Variants in CTNNA1 observed in about 807,000 individuals in gnomAD.
CTNNA1 encodes catenin alpha-1.
A neutral mutation model predicts 98.4 loss-of-function variants in CTNNA1; 37 were observed. The ratio of observed to expected loss-of-function variants is 0.38; its 90% CI spans 0.29 to 0.49. CTNNA1 has a LOEUF of 0.49. CTNNA1 is among the 20% of genes least tolerant of loss of function. CTNNA1 has a pLI of 0.95. For missense variants in CTNNA1, 761 were observed against 1,147.2 expected (o/e 0.66, Z 4.86); for synonymous variants, 404 against 413.2 (o/e 0.98, Z 0.27).
At chr5:138,814,374 G>C (rs929787797) in intron 5 of CTNNA1, among the ~76,000 whole-genome samples, 1 of 151,644 alleles carries the variant, frequency 6.6e-6, no homozygotes, top group Admixed American at 6.6e-5. Flanking sequence ...TCAGCCTCCC[G>C]TCAGTGTGCT....
At chr5:138,770,095 A>G (rs1044960250) in intron 1 of CTNNA1, among the ~76,000 whole-genome samples, 3 of 152,178 alleles carry the variant, frequency 2.0e-5, no homozygotes, top group Non-Finnish European at 4.4e-5. Context: ...TTGGCTTCCC[A>G]AAGTGCTGGG....
chr5:138,884,267 A>G (rs1302627369), intron 7 of CTNNA1, among the ~76,000 whole-genome samples: 2 of 152,214 alleles, frequency 1.3e-5, no homozygotes, highest in South Asian at 2.1e-4. Context: ...CTGAAGAGCT[A>G]AAGTTGGCAG....
chr5:138,815,516 A>G (rs765013163), intron 5 of CTNNA1, among the ~76,000 whole-genome samples: 1 of 151,972 alleles, frequency 6.6e-6, no homozygotes, highest in Non-Finnish European at 1.5e-5. Context: ...GCTAAAAGTG[A>G]TGGCATTCTC....
chr5:138,810,680 T>C (rs183628482), intron 4 of CTNNA1, among the ~76,000 whole-genome samples: 96 of 152,332 alleles, frequency 6.3e-4, no homozygotes, highest in Middle Eastern at 6.8e-3. Context: ...AAGTTTCCCA[T>C]GTCTACTTCT....
At position 138,930,602 on chromosome 5, in the gene CTNNA1, G is replaced by T; in HGVS notation, c.2140G>T (p.Val714Leu). 6.2e-7 allele frequency: 1 copy of T among 1,614,012 alleles called. No homozygotes were observed. Among genetic ancestry groups the T allele is most frequent in the African/African-American group, 1.3e-5 (1 of 75,004 alleles). The change falls in exon 15 of 18, where the codon GTG becomes TTG. Residue 714 changes from valine to leucine, a missense_variant. Around this residue, in one of 6 missense-constraint regions of CTNNA1, gnomAD observed 77 missense variants for 198.8 expected, o/e 0.39. Coordinates refer to ENST00000302763, the MANE Select transcript of CTNNA1 (RefSeq NM_001903.5). ...KWDDSGNDII[V>L]LAKQMCMIMM... is the part of the protein sequence containing the mutation. ...GGACGACAGTGGCAATGACATCATT[G>T]TGCTGGCCAAGCAGATGTGCATGAT...
chr5:138,800,796 T>G (rs1386198595), intron 3 of CTNNA1, among the ~76,000 whole-genome samples: 1 of 150,848 alleles, frequency 6.6e-6, no homozygotes, highest in African/African-American at 2.4e-5. Context: ...AGAGCAAAAC[T>G]CCGTCTAAAA....
chr5:138,764,184 CAAA>C (rs1561498087), intron 1 of CTNNA1, among the ~76,000 whole-genome samples: 1 of 149,580 alleles, frequency 6.7e-6, no homozygotes. Context: ...GAATCTGTCT[CAAA>C]AAAACAAAAA....
intron 3 of CTNNA1, among the ~76,000 whole-genome samples, chr5:138,798,486 C>T (rs1018155836): frequency 6.6e-6 from 1 of 152,152 alleles, no homozygotes; most frequent in African/African-American, 2.4e-5. Flanking sequence ...AACAAACAAG[C>T]CTTTTGTTTT....
chr5:138,905,111 A>C (rs202031661), intron 10 of CTNNA1, among the ~76,000 whole-genome samples: 3 of 139,268 alleles, frequency 2.2e-5, no homozygotes, highest in Non-Finnish European at 4.5e-5. Flanking sequence ...AAAAAAAAAA[A>C]ATACATACAT....
intron 7 of CTNNA1, among the ~76,000 whole-genome samples, chr5:138,845,988 G>A (rs1468054664): frequency 1.3e-5 from 2 of 151,816 alleles, no homozygotes; most frequent in Admixed American, 6.6e-5. Context: ...GTGAAGTGGC[G>A]CGATCACGGC....
intron 7 of CTNNA1, among the ~76,000 whole-genome samples, chr5:138,851,573 C>A (rs374032428): frequency 1.3e-5 from 2 of 150,800 alleles, no homozygotes. Context: ...GCCTGGCCAA[C>A]ATGGTGAAAC....
At chr5:138,826,784 T>G (rs1483831805) in intron 6 of CTNNA1, among the ~76,000 whole-genome samples, 1 of 152,214 alleles carries the variant, frequency 6.6e-6, no homozygotes, top group Admixed American at 6.5e-5. Flanking sequence ...GAGATCAGTT[T>G]GTATGTGTGC....
chr5:138,786,613 C>T (rs900917299), intron 3 of CTNNA1, among the ~76,000 whole-genome samples: 1 of 152,180 alleles, frequency 6.6e-6, no homozygotes, highest in African/African-American at 2.4e-5. Context: ...GCCGTATCCA[C>T]TCCACTTTTT....
intron 10 of CTNNA1, chr5:138,904,817 G>A (rs1185752399): frequency 1.9e-5 from 3 of 159,600 alleles, no homozygotes; most frequent in East Asian, 1.8e-4. Context: ...TATTTTGGCC[G>A]GGCACAGTGG....
intron 1 of CTNNA1, among the ~76,000 whole-genome samples, chr5:138,758,497 C>T (rs1751956982): frequency 6.6e-6 from 1 of 152,212 alleles, no homozygotes; most frequent in African/African-American, 2.4e-5. Context: ...CCTGCCTCAG[C>T]CTCGCAAATA....
At chr5:138,872,314 C>A (rs1750744227) in intron 7 of CTNNA1, 1 of 152,506 alleles carries the variant, frequency 6.6e-6, no homozygotes, top group Non-Finnish European at 1.5e-5. Flanking sequence ...GGATTGGTTT[C>A]ATTGTAATGA....
intron 1 of CTNNA1, among the ~76,000 whole-genome samples, chr5:138,763,840 C>G (rs912510746): frequency 6.6e-6 from 1 of 151,946 alleles, no homozygotes; most frequent in Non-Finnish European, 1.5e-5. Flanking sequence ...GTCTGTGGAC[C>G]TGGGTTATCA....
chr5:138,803,967 C>T (rs190346110), intron 3 of CTNNA1, among the ~76,000 whole-genome samples: 46 of 152,304 alleles, frequency 3.0e-4, no homozygotes, highest in Non-Finnish European at 5.7e-4. Flanking sequence ...CATGAATGCT[C>T]TTGAAGATTG....
chr5:138,791,787 C>CTTTT (rs1168548486), intron 3 of CTNNA1, among the ~76,000 whole-genome samples: 13 of 92,238 alleles, frequency 1.4e-4, no homozygotes, highest in Admixed American at 2.5e-4. Context: ...GTTTTCTCAG[C>CTTTT]TTTTTTTTTT....
Sources: gnomAD v4.1 joint callset for allele counts (sites outside exome capture counted in the v4.1 genomes callset) on GRCh38, gnomAD v4.1.1 for gene constraint, gnomAD v4.1.1 regional missense constraint, MANE v1.5 for transcripts, NCBI Gene and HGNC (gene_info 2026-07-23, HGNC 2026-07-21) for gene names.